PDE11A: variants seen among roughly 807,000 people sequenced by gnomAD.
PDE11A encodes dual 3',5'-cyclic-AMP and -GMP phosphodiesterase 11A.
PDE11A carries 100 observed loss-of-function variants against 100.5 expected under a neutral mutation model. That is an observed-to-expected ratio of 1.00 (90% CI 0.85 to 1.18). The LOEUF (loss-of-function observed/expected upper bound fraction) is 1.18, where lower values mean the gene tolerates loss of function less well. Ranked by LOEUF, PDE11A falls within the 50% of genes most tolerant of loss-of-function variation. PDE11A has a pLI of 0.00. For synonymous variants in PDE11A, 381 were observed against 420.8 expected, an observed-to-expected ratio of 0.91 and a Z score of 1.16; for missense variants, 1,141 against 1,152.6, an observed-to-expected ratio of 0.99 and a Z score of 0.15.
At chr2:177,982,152 ATACT>A (rs899423366) in intron 2 of PDE11A, among the ~76,000 whole-genome samples, 125 of 151,088 alleles carry the variant, frequency 8.3e-4, no homozygotes, top group African/African-American at 2.8e-3. Context: ...TATAAATTAC[ATACT>A]TACTAATCAA....
In PDE11A at chr2:177,629,505, T is replaced by G; in HGVS notation, c.2704A>C (p.Arg902=). The G allele has an allele frequency of 6.2e-7, 1 of 1,613,656 alleles. No individual in the cohort carries two copies. Among genetic ancestry groups the G allele is most frequent in the Non-Finnish European group, 8.5e-7 (1 of 1,179,622 alleles). The change falls in exon 20 of 20, where the codon AGA becomes CGA. Residue 902 remains arginine, a synonymous_variant. Coordinates refer to ENST00000286063, the MANE Select transcript of PDE11A (RefSeq NM_016953.4). ...KPMLDSVATN[R]SKWEELHQKR... ...TGGTGTAGCTCTTCCCACTTACTTC[T>G]GTTTGTAGCTACTGAATCTAGCATC... is the stretch of plus-strand genomic sequence containing the variant.
chr2:177,868,968 G>A (rs1266137506), intron 5 of PDE11A, among the ~76,000 whole-genome samples: 2 of 152,330 alleles, frequency 1.3e-5, no homozygotes, highest in African/African-American at 2.4e-5. Context: ...TGAAGGTTAA[G>A]TAAGACTCCT....
intron 2 of PDE11A, among the ~76,000 whole-genome samples, chr2:177,965,449 G>C (rs1301787771): frequency 6.6e-6 from 1 of 152,140 alleles, no homozygotes; most frequent in East Asian, 1.9e-4. Context: ...TCTATGTCCG[G>C]AATAGTGTTT....
chr2:177,874,200 T>A (rs2084193115), intron 5 of PDE11A, among the ~76,000 whole-genome samples: 2 of 152,200 alleles, frequency 1.3e-5, no homozygotes, highest in African/African-American at 4.8e-5. Flanking sequence ...CACTTGCTGG[T>A]TGCAGGGCCT....
At chr2:177,753,583 G>A (rs2082052004) in intron 10 of PDE11A, among the ~76,000 whole-genome samples, 1 of 151,556 alleles carries the variant, frequency 6.6e-6, no homozygotes, top group Non-Finnish European at 1.5e-5. Context: ...CTTTTTAAGG[G>A]CAAGATAATT....
chr2:178,056,454 A>G (rs1304662050), intron 1 of PDE11A, among the ~76,000 whole-genome samples: 1 of 152,188 alleles, frequency 6.6e-6, no homozygotes. Context: ...TCATTCTAAT[A>G]AAAGCCTGGA....
chr2:177,851,987 G>C (rs931379032), intron 5 of PDE11A, among the ~76,000 whole-genome samples: 1 of 152,056 alleles, frequency 6.6e-6, no homozygotes, highest in Non-Finnish European at 1.5e-5. Flanking sequence ...ACTTATAAGG[G>C]AGAGCATGCC....
intron 3 of PDE11A, among the ~76,000 whole-genome samples, chr2:177,900,730 C>G (rs556339673): frequency 6.6e-6 from 1 of 151,866 alleles, no homozygotes; most frequent in East Asian, 1.9e-4. Flanking sequence ...TGCACTACAG[C>G]CTGGATGACA....
chr2:177,834,872 T>C (rs2083368537), intron 6 of PDE11A, among the ~76,000 whole-genome samples: 1 of 152,022 alleles, frequency 6.6e-6, no homozygotes, highest in African/African-American at 2.4e-5. Flanking sequence ...TTGGAAGGCA[T>C]CTTGTTAGGC....
At chr2:177,928,692 C>T (rs2085164561) in intron 2 of PDE11A, among the ~76,000 whole-genome samples, 1 of 152,098 alleles carries the variant, frequency 6.6e-6, no homozygotes. Flanking sequence ...AGGAGGACTG[C>T]TTAAAAAAAT....
Position 177,629,551 on chromosome 2 carries a change from C to T in PDE11A, c.2658G>A (p.Lys886=), listed in dbSNP as rs1480902108. The T allele has an allele frequency of 2.5e-6, 4 of 1,613,974 alleles. No homozygotes were observed. Among genetic ancestry groups the T allele is most frequent in the Non-Finnish European group, 3.4e-6 (4 of 1,179,996 alleles). Residue 886 remains lysine, a synonymous_variant, in exon 20 of 20, where the codon AAG becomes AAA. Transcript: ENST00000286063. ...GCATCGGCTTCAGTTTCACGTTGAC[C>T]TTCACCAGTGCCTAAAACAAAACAA... ...ICMPLYQALV[K]VNVKLKPMLD... is the part of the protein sequence containing the mutation.
chr2:177,893,589 A>C (rs1172319536), intron 4 of PDE11A, among the ~76,000 whole-genome samples: 1 of 152,198 alleles, frequency 6.6e-6, no homozygotes, highest in East Asian at 1.9e-4. Flanking sequence ...TAACCCCTTG[A>C]TATCAATCTT....
intron 19 of PDE11A, among the ~76,000 whole-genome samples, chr2:177,646,861 G>A (rs114944810): frequency 0.065 from 9,916 of 152,186 alleles, 871 homozygotes; most frequent in African/African-American, 0.2. Context: ...AGTTGTAAAG[G>A]ACAGGCAAGC....
chr2:177,628,033 T>G lies in PDE11A; in HGVS notation c.*1374A>C, dbSNP rs2079862284. ...TGAAGGTTTGTAGGTGCTCTGGATG[T>G]CCAAACCCTGCTTATAATTCACATA... On this transcript the variant is annotated 3_prime_UTR_variant, in exon 20 of 20. Transcript: ENST00000286063. 1 of 152,224 alleles carries G rather than the reference T, an allele frequency of 6.6e-6. No individual in the cohort carries two copies. The highest frequency in any genetic ancestry group is 1.5e-5 in the Non-Finnish European group (1 of 68,040). 9.4% of individuals were successfully genotyped at this position (152,224 alleles called of 1,614,324 possible). A position where few individuals can be genotyped will look rare whatever the true frequency, so the allele number is the denominator to read the frequency against.
intron 16 of PDE11A, chr2:177,677,930 T>C (rs545001052): frequency 6.6e-6 from 1 of 152,342 alleles, no homozygotes; most frequent in South Asian, 2.1e-4. Flanking sequence ...GTGACAATCA[T>C]TATCTTCTTG....
rs112464507 is a variant in PDE11A at position 177,902,234 on chromosome 2, C to A, written c.1161+2864G>T. On this transcript the variant is annotated intron_variant, in intron 3 of 19. Transcript: ENST00000286063. ...CCCACCCTAACTGATACGATATATT[C>A]TCCCCCGCCCTTAAGAAGGTACTTT... Among the ~76,000 whole-genome samples the A allele has an allele frequency of 9.9e-3, 1,507 of 152,092 alleles. 24 individuals are homozygous for A. The highest frequency in any genetic ancestry group is 0.034 in the African/African-American group (1,416 of 41,466).
chr2:177,727,903 T>G (rs2081623460), intron 11 of PDE11A, 123 bp downstream of exon 11: 1 of 1,006,794 alleles, frequency 9.9e-7, no homozygotes, highest in Non-Finnish European at 1.6e-6. Context: ...CTCACAGTAA[T>G]CCCATGAGGT....
chr2:177,662,104 C>T (rs1264364041), intron 19 of PDE11A, among the ~76,000 whole-genome samples: 1 of 152,116 alleles, frequency 6.6e-6, no homozygotes, highest in Non-Finnish European at 1.5e-5. Flanking sequence ...CTGCTATTTC[C>T]ACTTAAATTC....
At chr2:177,931,228 A>G (rs2085201809) in intron 2 of PDE11A, among the ~76,000 whole-genome samples, 1 of 152,152 alleles carries the variant, frequency 6.6e-6, no homozygotes, top group Non-Finnish European at 1.5e-5. Context: ...TTTGTTGTCA[A>G]CGTTCTATTT....
Sources: gnomAD v4.1 joint callset for allele counts (sites outside exome capture counted in the v4.1 genomes callset) on GRCh38, gnomAD v4.1.1 for gene constraint, MANE v1.5 for transcripts, NCBI Gene and HGNC (gene_info 2026-07-23, HGNC 2026-07-21) for gene names.